Variants in PEX11A observed in about 807,000 individuals in gnomAD.
The protein encoded by PEX11A is peroxisomal biogenesis factor 11 alpha.
A neutral mutation model predicts 14.4 loss-of-function variants in PEX11A; 13 were observed. That is an observed-to-expected ratio of 0.90 (90% CI 0.59 to 1.43). PEX11A has a LOEUF of 1.43. PEX11A is among the 40% of genes most tolerant of loss of function. The probability of loss-of-function intolerance (pLI) is 0.00; values close to 1 mark genes in which losing one functional copy is unlikely to be tolerated. For synonymous variants in PEX11A, 101 were observed against 113.0 expected (o/e 0.89, Z 0.67); for missense variants, 290 against 302.8 (o/e 0.96, Z 0.31).
intron 1 of PEX11A, among the ~76,000 whole-genome samples, chr15:89,687,312 G>A (rs560127869): frequency 1.3e-5 from 2 of 152,230 alleles, no homozygotes; most frequent in East Asian, 1.9e-4. Flanking sequence ...AGAACCAAAT[G>A]AAAAGTCCAC....
At chr15:89,686,584 C>T (rs1964680588) in intron 1 of PEX11A, 38 bp from the exon 2 acceptor site, 2 of 910,362 alleles carry the variant, frequency 2.2e-6, no homozygotes, top group Non-Finnish European at 3.6e-6. Flanking sequence ...GAATGATTTA[C>T]AAACCAAATA....
Position 89,690,604 on chromosome 15 carries a change from T to C in PEX11A, c.29A>G (p.Gln10Arg), listed in dbSNP as rs556213531. The C allele has an allele frequency of 2.6e-6, 4 of 1,551,352 alleles. 1 individual carries two copies. In the Admixed American group the frequency reaches 7.8e-5, roughly 30 times the overall value. Residue 10 changes from glutamine (Q) to arginine (R), a missense_variant, in exon 1 of 3, where the codon CAG (glutamine) becomes CGG (arginine). Gln to Arg is a conservative substitution (Grantham distance 43). Transcript: ENST00000300056. ...GAAGAGTCGGTCCCGGCCCTGGGTC[T>C]GGTTGGTGAAGCGGGTGAAGGCGTC... The part of the protein sequence containing the change: MDAFTRFTN[Q>R]TQGRDRLFRA...
At chr15:89,687,072 T>C (rs942518169) in intron 1 of PEX11A, among the ~76,000 whole-genome samples, 3 of 152,046 alleles carry the variant, frequency 2.0e-5, no homozygotes, top group Non-Finnish European at 4.4e-5. Context: ...TACAGGTGTG[T>C]GCCACCACGC....
chr15:89,686,639 G>T (rs1305028553), intron 1 of PEX11A, 93 bp from the exon 2 acceptor site: 2 of 661,846 alleles, frequency 3.0e-6, no homozygotes, highest in African/African-American at 3.7e-5. Context: ...CATGCCTCCA[G>T]ACAACATTTC....
chr15:89,688,844 T>G (rs922112505), intron 1 of PEX11A, among the ~76,000 whole-genome samples: 2 of 152,002 alleles, frequency 1.3e-5, no homozygotes, highest in African/African-American at 4.8e-5. Flanking sequence ...GCCTCCTGAG[T>G]AGCTGGGACT....
At chr15:89,689,161 T>C (rs149654052) in intron 1 of PEX11A, among the ~76,000 whole-genome samples, 148 of 152,350 alleles carry the variant, frequency 9.7e-4, no homozygotes, top group African/African-American at 3.4e-3. Flanking sequence ...ATCAAACTAA[T>C]GAGAAAGCCA....
intron 2 of PEX11A, among the ~76,000 whole-genome samples, chr15:89,684,455 G>A (rs1311615933): frequency 6.6e-6 from 1 of 152,172 alleles, no homozygotes; most frequent in East Asian, 1.9e-4. Flanking sequence ...TAGAAGGAAG[G>A]TACTATGATA....
chr15:89,688,026 T>C, intron 1 of PEX11A: 1 of 540,054 alleles, frequency 1.9e-6, no homozygotes, highest in East Asian at 5.0e-5. Flanking sequence ...AGATCTTCAC[T>C]GGGCTCAACA....
At chr15:89,684,262 G>A (rs1964645343) in intron 2 of PEX11A, among the ~76,000 whole-genome samples, 1 of 152,196 alleles carries the variant, frequency 6.6e-6, no homozygotes. Context: ...CAGAAAAAGA[G>A]AAAGATTTTA....
chr15:89,686,919 C>CT (rs869187835), intron 1 of PEX11A, among the ~76,000 whole-genome samples: 208 of 142,864 alleles, frequency 1.5e-3, no homozygotes, highest in African/African-American at 5.3e-3. Context: ...AGATTTCTTT[C>CT]TTTGTTTTTT....
Position 89,682,944 on chromosome 15 carries a change from C to T in PEX11A, c.*433G>A, listed in dbSNP as rs1964619686. 1 of 165,080 alleles carries T rather than the reference C, an allele frequency of 6.1e-6. No homozygotes were observed. The highest frequency in any genetic ancestry group is 1.3e-5 in the Non-Finnish European group (1 of 76,246). 10.2% of individuals were successfully genotyped at this position (165,080 alleles called of 1,614,324 possible). On this transcript the variant is annotated 3_prime_UTR_variant, in exon 3 of 3. Transcript: ENST00000300056. ...CCTGCTACTGACATCAGAGCCTCTA[C>T]TAGATCTGAGAGTGCCATGCACCAG...
rs1260841652 is a variant in PEX11A, at chr15:89,681,938, A to C, written c.*1439T>G. Reference sequence around the variant, plus strand: ...CACCCAAGATGGCAGATAGGAACACAAGTCAATGTCATTGACTCAGCATTC... The same window carrying C: ...CACCCAAGATGGCAGATAGGAACACCAGTCAATGTCATTGACTCAGCATTC... On this transcript the variant is annotated 3_prime_UTR_variant, in exon 3 of 3. Transcript: ENST00000300056. The C allele has an allele frequency of 5.8e-6, 1 of 172,344 alleles. No individual in the cohort carries two copies. 10.7% of individuals were successfully genotyped at this position (172,344 alleles called of 1,614,324 possible). A position where few individuals can be genotyped will look rare whatever the true frequency, so the allele number is the denominator to read the frequency against.
intron 2 of PEX11A, among the ~76,000 whole-genome samples, chr15:89,685,625 T>TCA (rs1964666168): frequency 2.0e-5 from 3 of 152,038 alleles, no homozygotes; most frequent in Admixed American, 2.0e-4. Context: ...CTCTCTAGCC[T>TCA]CACCTCAAGT....
chr15:89,683,911 T>C lies in PEX11A; in HGVS notation c.210A>G (p.Ala70=). The part of the protein sequence containing the change: ...RLGNVVHAIQ[A]TEQSIHATDL... ...CAGTGGCATGAATGCTCTGCTCAGT[T>C]GCCTGTATAGCATGTACCACATTGC... Residue 70 remains alanine, a synonymous_variant, in exon 3 of 3, where the codon GCA becomes GCG. Transcript: ENST00000300056. The C allele has an allele frequency of 6.2e-7, 1 of 1,614,030 alleles. No individual in the cohort carries two copies. The highest frequency in any genetic ancestry group is 1.3e-5 in the African/African-American group (1 of 75,056).
At position 89,683,006 on chromosome 15, in the gene PEX11A, C is replaced by T; in HGVS notation, c.*371G>A. ...TCGTGAAACCAATGATCCATATGAC[C>T]CTAAAGTTATTGTATACTGGTGTTC... On this transcript the variant is annotated 3_prime_UTR_variant, in exon 3 of 3. Transcript: ENST00000300056. 1.1e-5 allele frequency: 2 copies of T among 183,118 alleles called. No individual in the cohort carries two copies. Among genetic ancestry groups the T allele is most frequent in the East Asian group, 1.5e-4 (1 of 6,612 alleles). The allele number at this position is 183,118 out of a possible 1,614,324, so 11.3% of individuals were successfully genotyped here.
At chr15:89,689,347 T>C (rs528787274) in intron 1 of PEX11A, among the ~76,000 whole-genome samples, 347 of 152,328 alleles carry the variant, frequency 2.3e-3, no homozygotes, top group Non-Finnish European at 3.0e-3. Flanking sequence ...AAGTTCATAG[T>C]TGCAAAACAC....
chr15:89,687,756 CTTTTT>C (rs975271882), intron 1 of PEX11A, among the ~76,000 whole-genome samples: 7 of 150,940 alleles, frequency 4.6e-5, no homozygotes, highest in African/African-American at 1.5e-4. Context: ...ATCGCTTTCT[CTTTTT>C]TAAGTGTCCT....
rs776690826 is a variant in PEX11A at position 89,683,797 on chromosome 15, TACGCTCCTC to T, written c.315_323del (p.Arg106_Val108del). ...CTTTGTTGATGCCAGAGGTGAGACC[TACGCTCCTC>T]ACCCAGAGGATGGTGTCACAGATGA... is the stretch of plus-strand genomic sequence containing the variant. On this transcript the variant is annotated inframe_deletion, in exon 3 of 3. Transcript: ENST00000300056. The T allele has an allele frequency of 2.5e-6, 4 of 1,613,900 alleles. No homozygotes were observed. The African/African-American group carries it at 5.3e-5, about 22-fold the overall frequency.
Position 89,683,675 on chromosome 15 carries a change from A to C in PEX11A, c.446T>G (p.Val149Gly), listed in dbSNP as rs2141547596. Residue 149 changes from valine to glycine, a missense_variant, in exon 3 of 3, where the codon GTT (valine) becomes GGT (glycine). Coordinates refer to ENST00000300056, the MANE Select transcript of PEX11A (RefSeq NM_003847.3). Reference sequence around the variant, plus strand: ...CTCTTTCTTTGCCCTGTCACATGTAACTCGTTTCATCTGCAGGGAGATTTC... The same window carrying C: ...CTCTTTCTTTGCCCTGTCACATGTACCTCGTTTCATCTGCAGGGAGATTTC... Reference protein sequence around the residue: ...LYEISLQMKRVTCDRAKKEKS... With the variant: ...LYEISLQMKRGTCDRAKKEKS... 1 of 1,614,068 alleles carries C rather than the reference A, an allele frequency of 6.2e-7. No homozygotes were observed. The highest frequency in any genetic ancestry group is 8.5e-7 in the Non-Finnish European group (1 of 1,180,030).
Sources: gnomAD v4.1 joint callset for allele counts (sites outside exome capture counted in the v4.1 genomes callset) on GRCh38, gnomAD v4.1.1 for gene constraint, MANE v1.5 for transcripts, NCBI Gene and HGNC (gene_info 2026-07-23, HGNC 2026-07-21) for gene names.